DRC9: variants seen among roughly 807,000 people sequenced by gnomAD.
DRC9 encodes dynein regulatory complex subunit 9, also known as dynein regulatory complex protein 9.
the DRC9 span, among the ~76,000 whole-genome samples, chr3:197,894,888 A>AC: frequency 1.3e-5 from 2 of 152,110 alleles, no homozygotes; most frequent in African/African-American, 2.4e-5. Flanking sequence ...ACATAGTGAG[A>AC]CCCCATCTCT....
the DRC9 span, among the ~76,000 whole-genome samples, chr3:197,898,693 C>A: frequency 6.6e-6 from 1 of 152,160 alleles, no homozygotes; most frequent in African/African-American, 2.4e-5. Context: ...GAGGAAGCCC[C>A]TTATAAAACC....
At chr3:197,925,754 T>C in the DRC9 span, among the ~76,000 whole-genome samples, 1 of 151,992 alleles carries the variant, frequency 6.6e-6, no homozygotes, top group African/African-American at 2.4e-5. Context: ...CGGCTAATTT[T>C]TGTATTTTTA....
chr3:197,912,886 A>C, the DRC9 span: 2 of 709,594 alleles, frequency 2.8e-6, no homozygotes, highest in Non-Finnish European at 5.0e-6. Context: ...GTTCCCTGCA[A>C]CTCCTGTTCA....
chr3:197,945,674 A>AT, the DRC9 span: 1 of 1,446,044 alleles, frequency 6.9e-7, no homozygotes, highest in South Asian at 1.2e-5. Context: ...TAATCTCACA[A>AT]AAGTGCAGTT....
the DRC9 span, among the ~76,000 whole-genome samples, chr3:197,925,268 C>T: frequency 8.0e-4 from 68 of 84,792 alleles, no homozygotes; most frequent in South Asian, 1.9e-3. Flanking sequence ...GGGATGAGGT[C>T]ATCTGTGGGG....
At chr3:197,921,826 T>C in the DRC9 span, among the ~76,000 whole-genome samples, 1 of 143,962 alleles carries the variant, frequency 6.9e-6, no homozygotes, top group African/African-American at 2.9e-5. Flanking sequence ...TCTGGGGATT[T>C]CACCTGATTT....
At chr3:197,914,910 T>C in the DRC9 span, among the ~76,000 whole-genome samples, 1 of 152,000 alleles carries the variant, frequency 6.6e-6, no homozygotes, top group Non-Finnish European at 1.5e-5. Context: ...ACGCCTGTAA[T>C]CCCAGCACTT....
chr3:197,892,241 A>C, the DRC9 span, among the ~76,000 whole-genome samples: 1 of 152,198 alleles, frequency 6.6e-6, no homozygotes, highest in Non-Finnish European at 1.5e-5. Context: ...TTCCATAATG[A>C]AACCATAATC....
At chr3:197,903,648 T>C in the DRC9 span, among the ~76,000 whole-genome samples, 1 of 151,928 alleles carries the variant, frequency 6.6e-6, no homozygotes, top group African/African-American at 2.4e-5. Context: ...TAAATAAATA[T>C]ATAAAATATA....
At chr3:197,940,763 T>C in the DRC9 span, among the ~76,000 whole-genome samples, 1 of 152,252 alleles carries the variant, frequency 6.6e-6, no homozygotes, top group Non-Finnish European at 1.5e-5. Flanking sequence ...TCACAATTTT[T>C]AAAAGATATG....
the DRC9 span, chr3:197,958,334 C>G: frequency 6.6e-6 from 1 of 152,212 alleles, no homozygotes; most frequent in African/African-American, 2.4e-5. Context: ...GCCACCAGCT[C>G]AGATTATTTC....
At chr3:197,899,705 AGAGT>A in the DRC9 span, among the ~76,000 whole-genome samples, 1 of 152,198 alleles carries the variant, frequency 6.6e-6, no homozygotes, top group East Asian at 1.9e-4. Context: ...GAGGCTGTGC[AGAGT>A]GAGAGGGCGA....
chr3:197,915,568 A>G, the DRC9 span, among the ~76,000 whole-genome samples: 6 of 152,324 alleles, frequency 3.9e-5, no homozygotes, highest in African/African-American at 1.4e-4. Context: ...CAAGCACACG[A>G]CTAGCAACAA....
chr3:197,950,367 G>A, the DRC9 span: 19 of 1,212,356 alleles, frequency 1.6e-5, no homozygotes, highest in Middle Eastern at 3.2e-4. Flanking sequence ...ACAGGATGGA[G>A]GAGATGTTGG....
the DRC9 span, among the ~76,000 whole-genome samples, chr3:197,923,981 G>C: frequency 2.6e-5 from 4 of 152,202 alleles, no homozygotes; most frequent in African/African-American, 9.6e-5. Context: ...TGGGAGAATT[G>C]CTTGAGCGCA....
chr3:197,895,209 A>C, the DRC9 span, among the ~76,000 whole-genome samples: 7 of 152,232 alleles, frequency 4.6e-5, no homozygotes, highest in African/African-American at 1.7e-4. Flanking sequence ...ACAGGCAAAA[A>C]GGTCTGGCTA....
At chr3:197,893,776 A>G in the DRC9 span, among the ~76,000 whole-genome samples, 1 of 151,986 alleles carries the variant, frequency 6.6e-6, no homozygotes, top group East Asian at 1.9e-4. Context: ...TGAACCCGGG[A>G]GACAGAGGTT....
the DRC9 span, chr3:197,889,530 A>G: frequency 6.2e-7 from 1 of 1,610,054 alleles, no homozygotes; most frequent in Non-Finnish European, 8.5e-7. Flanking sequence ...ACTCTCTCCA[A>G]GTCCTTCCCA....
At chr3:197,956,160 C>T in the DRC9 span, 1 of 247,640 alleles carries the variant, frequency 4.0e-6, no homozygotes, top group East Asian at 9.5e-5. Context: ...TGACTCTTGC[C>T]TATGCTGGCT....
Sources: gnomAD v4.1 joint callset for allele counts (sites outside exome capture counted in the v4.1 genomes callset) on GRCh38, gnomAD v4.1.1 for gene constraint, MANE v1.5 for transcripts, NCBI Gene and HGNC (gene_info 2026-07-23, HGNC 2026-07-21) for gene names.